The following SOX6 variants were observed in gnomAD, a reference collection of about 807,000 sequenced individuals.
SOX6 encodes transcription factor SOX-6.
In SOX6, 11 loss-of-function variants were observed where a neutral mutation model predicts 97.8. The observed-to-expected ratio is 0.11, with a 90% CI of 0.07 to 0.19. SOX6 has a LOEUF of 0.19. Ranked by LOEUF, SOX6 falls within the 10% of genes least tolerant of loss-of-function variation. SOX6 has a pLI of 1.00. For missense variants in SOX6, 810 were observed against 1,039.5 expected (o/e 0.78, Z 3.04); for synonymous variants, 360 against 371.4 (o/e 0.97, Z 0.35).
chr11:16,146,111 G>C (rs1850286870), intron 6 of SOX6, among the ~76,000 whole-genome samples: 1 of 152,036 alleles, frequency 6.6e-6, no homozygotes, highest in South Asian at 2.1e-4. Flanking sequence ...ATACTACAAG[G>C]CTACAGTAAC....
chr11:16,403,150 T>C (rs887716612), intron 1 of SOX6, among the ~76,000 whole-genome samples: 18 of 151,546 alleles, frequency 1.2e-4, no homozygotes, highest in African/African-American at 4.4e-4. Flanking sequence ...ACAGACAACA[T>C]GATGAGCTAA....
At chr11:16,166,552 C>T (rs535480920) in intron 6 of SOX6, among the ~76,000 whole-genome samples, 41 of 152,260 alleles carry the variant, frequency 2.7e-4, no homozygotes, top group Non-Finnish European at 5.3e-4. Flanking sequence ...AAAATGAATA[C>T]GACCTCAGAC....
rs188016029 is a variant in SOX6, at chr11:16,649,919, G to A, written n.430-37659C>T. 2.5e-3 allele frequency among the ~76,000 whole-genome samples: 387 copies of A among 152,046 alleles called. 2 individuals carry two copies. The highest frequency in any genetic ancestry group is 8.9e-3 in the African/African-American group (370 of 41,468). ...CCAACACATAAGGACTCACATAACC[G>A]AAAGGTAAAGGGGTAAAAAAGGATA... On this transcript the variant is annotated intron_variant and non_coding_transcript_variant, in intron 3 of 5. Coordinates refer to the SOX6 transcript ENST00000524520.
At chr11:16,090,940 T>C (rs181547490) in intron 9 of SOX6, among the ~76,000 whole-genome samples, 1 of 152,200 alleles carries the variant, frequency 6.6e-6, no homozygotes, top group African/African-American at 2.4e-5. Flanking sequence ...TGCTTTATTA[T>C]TGCATTTATC....
At chr11:15,974,378 C>CTTTTTTTTTTTTTTTTTTTTTTTTTTTT (rs35597667) in intron 15 of SOX6, among the ~76,000 whole-genome samples, 1 of 85,658 alleles carries the variant, frequency 1.2e-5, no homozygotes, top group African/African-American at 5.0e-5. Context: ...TTAGCTCTCT[C>CTTTTTTTTTTTTTTTTTTTTTTTTTTTT]TTTTTTTTTT....
At chr11:16,310,918 A>T (rs990877371) in intron 3 of SOX6, among the ~76,000 whole-genome samples, 11 of 146,832 alleles carry the variant, frequency 7.5e-5, no homozygotes, top group African/African-American at 2.6e-4. Flanking sequence ...AATGTTAATT[A>T]AAAAAAAAAC....
intron 4 of SOX6, among the ~76,000 whole-genome samples, chr11:16,537,159 C>A (rs548660701): frequency 4.6e-5 from 7 of 152,310 alleles, no homozygotes; most frequent in African/African-American, 1.7e-4. Flanking sequence ...GTTCTGCACC[C>A]ACCGTTGGTG....
rs572655414 is a variant in SOX6 at position 16,076,972 on chromosome 11, C to A, written c.1101+19024G>T. ...GTTTCACCTTGTTAGCCAGGATGGT[C>A]TCGATCTCCTGACCTCATGATCCAC... On this transcript the variant is annotated intron_variant, in intron 9 of 15. Transcript: ENST00000683767. 2.0e-4 allele frequency among the ~76,000 whole-genome samples: 31 copies of A among 151,710 alleles called. No individual in the cohort carries two copies. In the East Asian group the frequency reaches 6.1e-3, roughly 30 times the overall value.
chr11:16,500,889 G>A lies in SOX6; in HGVS notation n.610-24501C>T, dbSNP rs1300280290. Among the ~76,000 whole-genome samples, 8 of 152,110 alleles carry A rather than the reference G, an allele frequency of 5.3e-5. No homozygotes were observed. In the East Asian group the frequency reaches 1.3e-3, roughly 26 times the overall value. On this transcript the variant is annotated intron_variant and non_coding_transcript_variant, in intron 4 of 5. Transcript: ENST00000524520. ...TGTGAAAATGGCCATACTGCCCAAGGTAATTTATAGATTCAATGCTATCCC... is the reference window on the plus strand; with the variant it reads ...TGTGAAAATGGCCATACTGCCCAAGATAATTTATAGATTCAATGCTATCCC...
intron 3 of SOX6, among the ~76,000 whole-genome samples, chr11:16,269,211 AT>A (rs1185482126): frequency 6.6e-6 from 1 of 150,888 alleles, no homozygotes; most frequent in African/African-American, 2.4e-5. Flanking sequence ...TGCTAACTTC[AT>A]TATATACTAA....
chr11:16,428,197 T>C (rs1416099325), intron 1 of SOX6, among the ~76,000 whole-genome samples: 1 of 152,162 alleles, frequency 6.6e-6, no homozygotes. Context: ...TGTAAATTTG[T>C]TTGAGTTCAT....
chr11:15,972,552 A>C lies in SOX6; in HGVS notation c.*257T>G. The C allele has an allele frequency of 2.0e-6, 1 of 507,164 alleles. No individual in the cohort carries two copies. Among genetic ancestry groups the C allele is most frequent in the Non-Finnish European group, 3.5e-6 (1 of 283,486 alleles). The allele number at this position is 507,164 out of a possible 1,614,324, so 31.4% of individuals were successfully genotyped here. A position where few individuals can be genotyped will look rare whatever the true frequency, so the allele number is the denominator to read the frequency against. On this transcript the variant is annotated 3_prime_UTR_variant, in exon 16 of 16. Coordinates refer to ENST00000683767, the MANE Select transcript of SOX6 (RefSeq NM_001367873.1). The stretch of plus-strand genomic sequence containing the variant: ...ACATCTACGGGTTGAGATAAGTTTC[A>C]AGTCCTGGTGTCTCATATTTAATAT...
At chr11:16,208,721 C>T (rs1852138818) in intron 4 of SOX6, among the ~76,000 whole-genome samples, 1 of 152,076 alleles carries the variant, frequency 6.6e-6, no homozygotes, top group Non-Finnish European at 1.5e-5. Context: ...TTTTACATTG[C>T]ATTATGAAAT....
chr11:16,460,388 C>T lies in SOX6; in HGVS notation c.-5+15927G>A, dbSNP rs80215959. On this transcript the variant is annotated intron_variant, in intron 1 of 15. Transcript: ENST00000396356. ...TCTTCCTTTTCTATTTTGAATCCCA[C>T]CTCATGTCCAGAAGATCTCTGAGTT... is the stretch of plus-strand genomic sequence containing the variant. Among the ~76,000 whole-genome samples the T allele has an allele frequency of 8.5e-3, 1,289 of 152,030 alleles. 21 individuals carry two copies. Among genetic ancestry groups the T allele is most frequent in the African/African-American group, 0.028 (1,173 of 41,498 alleles).
chr11:16,503,368 G>A (rs1347408574), intron 4 of SOX6, among the ~76,000 whole-genome samples: 1 of 151,528 alleles, frequency 6.6e-6, no homozygotes, highest in African/African-American at 2.4e-5. Flanking sequence ...AAATAAGAGA[G>A]AAAGAAAGGA....
intron 1 of SOX6, among the ~76,000 whole-genome samples, chr11:16,474,775 G>T (rs148143814): frequency 6.6e-6 from 1 of 152,284 alleles, no homozygotes; most frequent in Non-Finnish European, 1.5e-5. Context: ...AGCAGCATTA[G>T]CCTCTAACAA....
At chr11:16,394,107 G>A (rs753507527) in intron 1 of SOX6, among the ~76,000 whole-genome samples, 1 of 151,912 alleles carries the variant, frequency 6.6e-6, no homozygotes, top group Non-Finnish European at 1.5e-5. Flanking sequence ...GGAATCTACT[G>A]ACTTTTCATC....
chr11:16,127,277 A>T (rs973974501), intron 6 of SOX6, among the ~76,000 whole-genome samples: 2 of 152,112 alleles, frequency 1.3e-5, no homozygotes, highest in African/African-American at 4.8e-5. Context: ...CCAAGTTAAT[A>T]ATATTAACTA....
intron 3 of SOX6, among the ~76,000 whole-genome samples, chr11:16,712,356 A>T (rs1429109352): frequency 6.6e-6 from 1 of 152,154 alleles, no homozygotes; most frequent in East Asian, 1.9e-4. Context: ...CTAGTTTTAC[A>T]TTCCCACCAG....
Sources: gnomAD v4.1 joint callset for allele counts (sites outside exome capture counted in the v4.1 genomes callset) on GRCh38, gnomAD v4.1.1 for gene constraint, MANE v1.5 for transcripts, NCBI Gene and HGNC (gene_info 2026-07-23, HGNC 2026-07-21) for gene names.